Variants in TBC1D19 observed in about 807,000 individuals in gnomAD.
TBC1D19 encodes the protein TBC1 domain family member 19, also known as TBC1 domain family, member 19.
A neutral mutation model predicts 89.0 loss-of-function variants in TBC1D19; 60 were observed. That is an observed-to-expected ratio of 0.67 (90% confidence interval 0.55 to 0.84). The LOEUF (loss-of-function observed/expected upper bound fraction) is 0.84. Among genes scored for constraint, TBC1D19 ranks in the 40% least tolerant of loss-of-function variants. TBC1D19 has a pLI of 0.00. For missense variants in TBC1D19, 500 were observed against 610.8 expected, an observed-to-expected ratio of 0.82 and a Z score of 1.91; for synonymous variants, 189 against 199.7, an observed-to-expected ratio of 0.95 and a Z score of 0.45.
At chr4:26,589,566 G>C (rs1739636308) in intron 1 of TBC1D19, among the ~76,000 whole-genome samples, 1 of 152,108 alleles carries the variant, frequency 6.6e-6, no homozygotes, top group Non-Finnish European at 1.5e-5. Flanking sequence ...AGCTTTCCCA[G>C]CTTTGGCATG....
the TBC1D19 span, among the ~76,000 whole-genome samples, chr4:26,818,669 C>A: frequency 6.6e-6 from 1 of 152,238 alleles, no homozygotes; most frequent in Non-Finnish European, 1.5e-5. Flanking sequence ...TATATCTACA[C>A]ACACAAACAC....
chr4:26,747,883 C>A (rs1379859788), intron 18 of TBC1D19, among the ~76,000 whole-genome samples: 1 of 152,172 alleles, frequency 6.6e-6, no homozygotes, highest in African/African-American at 2.4e-5. Context: ...AATCAGAAAT[C>A]TATTTCTAAT....
intron 18 of TBC1D19, among the ~76,000 whole-genome samples, chr4:26,746,386 C>T (rs2109325108): frequency 6.6e-6 from 1 of 152,102 alleles, no homozygotes; most frequent in East Asian, 1.9e-4. Context: ...TTTTCTTAAT[C>T]CTTTTTCTGT....
intron 19 of TBC1D19, among the ~76,000 whole-genome samples, chr4:26,753,147 T>G (rs371881992): frequency 1.3e-5 from 2 of 152,300 alleles, no homozygotes; most frequent in South Asian, 2.1e-4. Flanking sequence ...GTGCTGTGTA[T>G]AAAAATATAA....
the TBC1D19 span, among the ~76,000 whole-genome samples, chr4:26,791,722 C>T: frequency 6.6e-6 from 1 of 152,184 alleles, no homozygotes; most frequent in Non-Finnish European, 1.5e-5. Flanking sequence ...AGACTCATGG[C>T]TTGAAGCCTA....
At chr4:26,837,584 T>A in the TBC1D19 span, among the ~76,000 whole-genome samples, 1 of 152,234 alleles carries the variant, frequency 6.6e-6, no homozygotes, top group Non-Finnish European at 1.5e-5. Context: ...TGATATCATT[T>A]GATTTAAATT....
intron 12 of TBC1D19, 104 bp from the exon 13 acceptor site, chr4:26,688,241 G>A: frequency 1.0e-5 from 14 of 1,354,060 alleles, no homozygotes; most frequent in Non-Finnish European, 1.3e-5. Context: ...TAATCATAAA[G>A]TAATAAATTT....
At chr4:26,763,657 G>C in the TBC1D19 span, among the ~76,000 whole-genome samples, 1 of 152,190 alleles carries the variant, frequency 6.6e-6, no homozygotes, top group Non-Finnish European at 1.5e-5. Flanking sequence ...ACTTCCTGAG[G>C]CTGTGTCACG....
chr4:26,774,921 G>T, the TBC1D19 span, among the ~76,000 whole-genome samples: 977 of 152,300 alleles, frequency 6.4e-3, 9 homozygotes, highest in African/African-American at 0.023. Flanking sequence ...TGAGCAGCAG[G>T]CTTCAGCCTT....
At chr4:26,813,436 A>T in the TBC1D19 span, among the ~76,000 whole-genome samples, 2 of 152,208 alleles carry the variant, frequency 1.3e-5, no homozygotes, top group African/African-American at 4.8e-5. Context: ...GACCTAAATT[A>T]ATGAGAAGTT....
intron 9 of TBC1D19, among the ~76,000 whole-genome samples, chr4:26,669,647 T>A (rs1712115170): frequency 6.6e-6 from 1 of 151,818 alleles, no homozygotes; most frequent in Admixed American, 6.6e-5. Flanking sequence ...TTATTGTTAT[T>A]TCATACTACT....
intron 15 of TBC1D19, among the ~76,000 whole-genome samples, chr4:26,720,430 C>T (rs1716901017): frequency 1.3e-5 from 2 of 152,034 alleles, no homozygotes; most frequent in African/African-American, 4.8e-5. Context: ...TGCAGACCTT[C>T]CTTTTGGGTT....
rs539822155 is a variant in TBC1D19 at position 26,645,966 on chromosome 4, A to G, written c.480+5779A>G. Among the ~76,000 whole-genome samples, 357 of 151,578 alleles carry G rather than the reference A, an allele frequency of 2.4e-3. 1 individual carries two copies. Among genetic ancestry groups the G allele is most frequent in the Non-Finnish European group, 4.6e-3 (312 of 67,822 alleles). On this transcript the variant is annotated intron_variant, in intron 7 of 20. Transcript: ENST00000264866. ...GTGAAACCCCGTCTCTACTAAAAAT[A>G]CAAAAAATTAGCCGGGCGTAGTGGC... is the stretch of plus-strand genomic sequence containing the variant.
chr4:26,577,282 C>CGTGTGT (rs140352482), intron 1 of TBC1D19, among the ~76,000 whole-genome samples: 1 of 149,436 alleles, frequency 6.7e-6, no homozygotes, highest in Non-Finnish European at 1.5e-5. Flanking sequence ...TCTTCTCTCT[C>CGTGTGT]GTGTGTGTGT....
intron 15 of TBC1D19, among the ~76,000 whole-genome samples, chr4:26,731,663 C>T (rs189606376): frequency 1.9e-3 from 284 of 152,028 alleles, no homozygotes; most frequent in African/African-American, 6.5e-3. Context: ...TGAAGGAGTG[C>T]GCAGAAGAGA....
At chr4:26,757,262 G>T (rs1291053048), downstream of TBC1D19, among the ~76,000 whole-genome samples, 1 of 152,034 alleles carries the variant, frequency 6.6e-6, no homozygotes, top group Admixed American at 6.6e-5. Flanking sequence ...TGATCCACCC[G>T]CCTCAGCCTT....
Position 26,755,323 on chromosome 4 carries a change from T to A in TBC1D19, c.*376T>A, listed in dbSNP as rs1032200275. The A allele has an allele frequency of 1.3e-5, 2 of 152,558 alleles. No homozygotes were observed. Among genetic ancestry groups the A allele is most frequent in the Non-Finnish European group, 2.9e-5 (2 of 68,070 alleles). 9.5% of individuals were successfully genotyped at this position (152,558 alleles called of 1,614,324 possible). On this transcript the variant is annotated 3_prime_UTR_variant, in exon 21 of 21. Transcript: ENST00000264866. ...TAGCTTCTTGGATAATTCTTTTATG[T>A]CAGTTTATAAATTTATCTCTAGATA...
intron 1 of TBC1D19, among the ~76,000 whole-genome samples, chr4:26,608,145 T>C (rs917629879): frequency 4.6e-5 from 7 of 152,234 alleles, no homozygotes; most frequent in Non-Finnish European, 1.0e-4. Flanking sequence ...TATCTCAAAA[T>C]AAAAATTTCC....
chr4:26,641,060 C>T (rs1271927720), intron 7 of TBC1D19, among the ~76,000 whole-genome samples: 1 of 152,230 alleles, frequency 6.6e-6, no homozygotes, highest in East Asian at 1.9e-4. Context: ...GTTCTCCCAG[C>T]ACAGTGTTTG....
Sources: gnomAD v4.1 joint callset for allele counts (sites outside exome capture counted in the v4.1 genomes callset) on GRCh38, gnomAD v4.1.1 for gene constraint, MANE v1.5 for transcripts, NCBI Gene and HGNC (gene_info 2026-07-23, HGNC 2026-07-21) for gene names.